Variants in CNTLN observed in about 807,000 individuals in gnomAD.
CNTLN encodes the protein centlein, centrosomal protein.
CNTLN carries 212 observed loss-of-function variants against 180.0 expected under a neutral mutation model. That is an observed-to-expected ratio of 1.18 (90% CI 1.05 to 1.32). The LOEUF (loss-of-function observed/expected upper bound fraction) is 1.32, where lower values mean the gene tolerates loss of function less well. CNTLN is among the 40% of genes most tolerant of loss of function. CNTLN has a pLI of 0.00. For missense variants in CNTLN, 2,095 were observed against 1,610.9 expected, an observed-to-expected ratio of 1.30 and a Z score of -5.14; for synonymous variants, 722 against 563.1, an observed-to-expected ratio of 1.28 and a Z score of -3.99.
At position 17,197,354 on chromosome 9, in the gene CNTLN, T is replaced by C. The variant is rs189745799; in HGVS notation, c.450-28849T>C. ...TTGACTGGAGTGAGATGATATCTCA[T>C]TGTCATTTTGATTTGCATTTCTCTG... On this transcript the variant is annotated intron_variant, in intron 2 of 25. Coordinates refer to ENST00000380647, the MANE Select transcript of CNTLN (RefSeq NM_017738.4). Among the ~76,000 whole-genome samples the C allele has an allele frequency of 4.6e-5, 7 of 152,308 alleles. No individual in the cohort carries two copies. The East Asian group carries it at 1.3e-3, about 29-fold the overall frequency.
In CNTLN at chr9:17,409,473, G is replaced by T; in HGVS notation, c.2796G>T (p.Lys932Asn). The change falls in exon 16 of 26, where the codon AAG becomes AAT. Residue 932 changes from lysine (K) to asparagine (N), a missense_variant and splice_region_variant. By Grantham distance (94) the Lys-to-Asn change is moderately conservative (BLOSUM62 0). Transcript: ENST00000380647. ...TYLNIDGKTP[K>N]DYFHDKNAKK... ...TAAATATAGATGGCAAGACCCCAAAGGTAAATGACATGATTTTGCTTAATT... is the reference window on the plus strand; with the variant it reads ...TAAATATAGATGGCAAGACCCCAAATGTAAATGACATGATTTTGCTTAATT... 1 of 1,579,018 alleles carries T rather than the reference G, an allele frequency of 6.3e-7. No individual in the cohort carries two copies. Among genetic ancestry groups the T allele is most frequent in the Non-Finnish European group, 8.6e-7 (1 of 1,167,472 alleles).
At chr9:17,265,518 C>G (rs1386772806) in intron 5 of CNTLN, among the ~76,000 whole-genome samples, 2 of 151,974 alleles carry the variant, frequency 1.3e-5, no homozygotes, top group East Asian at 3.9e-4. Flanking sequence ...TTTGTTGTGT[C>G]TCTGCCAGGC....
rs771737760 is a variant in CNTLN at position 17,416,182 on chromosome 9, CAAT to C, written c.3110_3112del (p.Ile1037del). 1 of 1,611,012 alleles carries C rather than the reference CAAT, an allele frequency of 6.2e-7. No homozygotes were observed. Among genetic ancestry groups the C allele is most frequent in the South Asian group, 1.1e-5 (1 of 90,622 alleles). ...CAACGATTTCAGACAAGCAGGCAGACAATAAAGGTAAAGAGAACTTTAAGATTG... is the reference window on the plus strand; with the variant it reads ...CAACGATTTCAGACAAGCAGGCAGACAAAGGTAAAGAGAACTTTAAGATTG... On this transcript the variant is annotated inframe_deletion, in exon 18 of 26. Coordinates refer to ENST00000380647, the MANE Select transcript of CNTLN (RefSeq NM_017738.4).
intron 4 of CNTLN, 64 bp from the exon 5 acceptor site, chr9:17,236,345 C>T: frequency 5.8e-6 from 8 of 1,369,614 alleles, no homozygotes; most frequent in Middle Eastern, 3.9e-4. Context: ...TTAGTGCTCA[C>T]CATTTTTTGG....
intron 2 of CNTLN, among the ~76,000 whole-genome samples, chr9:17,180,346 T>TTATTATATTATATTATATTA (rs57685282): frequency 1.4e-4 from 20 of 145,620 alleles, no homozygotes; most frequent in South Asian, 4.3e-4. Context: ...GTTGCTCTAA[T>TTATTATATTATATTATATTA]TATTATATTA....
chr9:17,265,246 A>T (rs1165242588), intron 5 of CNTLN, among the ~76,000 whole-genome samples: 1 of 151,606 alleles, frequency 6.6e-6, no homozygotes, highest in African/African-American at 2.4e-5. Flanking sequence ...AGTTTTTAGC[A>T]TGAAGCATTG....
chr9:17,226,376 T>A (rs1824466455), intron 3 of CNTLN, 89 bp downstream of exon 3: 2 of 664,018 alleles, frequency 3.0e-6, no homozygotes, highest in Non-Finnish European at 4.8e-6. Context: ...TGCAATAGTG[T>A]TTATTGAGAA....
chr9:17,211,281 C>A (rs1284091809), intron 2 of CNTLN, among the ~76,000 whole-genome samples: 1 of 152,134 alleles, frequency 6.6e-6, no homozygotes, highest in African/African-American at 2.4e-5. Context: ...TATGGCTAGC[C>A]AGTTTTCGCA....
intron 2 of CNTLN, among the ~76,000 whole-genome samples, chr9:17,180,899 C>T (rs975500989): frequency 1.3e-5 from 2 of 152,006 alleles, no homozygotes; most frequent in African/African-American, 2.4e-5. Flanking sequence ...TTGGTGGTTT[C>T]CAGCAAGAAA....
intron 10 of CNTLN, among the ~76,000 whole-genome samples, chr9:17,334,478 C>G (rs1416372748): frequency 6.6e-6 from 1 of 151,890 alleles, no homozygotes; most frequent in Non-Finnish European, 1.5e-5. Flanking sequence ...TATATAATTC[C>G]TTATAGTAAA....
At chr9:17,353,838 C>T (rs1210064379) in intron 12 of CNTLN, among the ~76,000 whole-genome samples, 1 of 152,156 alleles carries the variant, frequency 6.6e-6, no homozygotes, top group Non-Finnish European at 1.5e-5. Flanking sequence ...TTTGGTGGCA[C>T]TTGAGGAGCC....
At chr9:17,475,981 A>C (rs1359033822) in intron 23 of CNTLN, among the ~76,000 whole-genome samples, 1 of 151,926 alleles carries the variant, frequency 6.6e-6, no homozygotes, top group African/African-American at 2.4e-5. Context: ...TGTTTTTTAC[A>C]AATTGAAGAT....
intron 10 of CNTLN, among the ~76,000 whole-genome samples, chr9:17,334,121 A>G (rs1820825206): frequency 6.6e-6 from 1 of 152,010 alleles, no homozygotes. Flanking sequence ...GTGCAGTGGC[A>G]TGATCTCGGC....
intron 17 of CNTLN, 37 bp downstream of exon 17, chr9:17,415,918 C>A (rs770563074): frequency 6.9e-5 from 110 of 1,584,764 alleles, no homozygotes; most frequent in Non-Finnish European, 8.6e-5. Context: ...ATGTCTTTTA[C>A]AATTTAAATC....
intron 2 of CNTLN, among the ~76,000 whole-genome samples, chr9:17,216,162 C>G (rs1823739138): frequency 6.6e-6 from 1 of 152,150 alleles, no homozygotes; most frequent in South Asian, 2.1e-4. Context: ...GAGCTGTAGA[C>G]TGGAGCTGTT....
intron 2 of CNTLN, among the ~76,000 whole-genome samples, chr9:17,145,194 C>T (rs536568206): frequency 6.6e-6 from 1 of 152,162 alleles, no homozygotes; most frequent in African/African-American, 2.4e-5. Context: ...TCTACTGAAT[C>T]TCTAGGGGGT....
In CNTLN at chr9:17,394,209, C is replaced by G. The variant is rs867064652; in HGVS notation, c.2080-325C>G. ...AGACATTTGTGTATATTATTTTTCT[C>G]TGAAATATTTTTTTCCACAATGAAT... On this transcript the variant is annotated intron_variant, in intron 14 of 25. Transcript: ENST00000380647. 1.3e-4 allele frequency among the ~76,000 whole-genome samples: 20 copies of G among 152,092 alleles called. 1 individual carries two copies. The highest frequency in any genetic ancestry group is 6.2e-4 in the South Asian group (3 of 4,822).
the CNTLN span, among the ~76,000 whole-genome samples, chr9:17,509,606 G>A: frequency 6.6e-6 from 1 of 152,144 alleles, no homozygotes; most frequent in Non-Finnish European, 1.5e-5. Flanking sequence ...CAGATAGGAA[G>A]TAAAACTTTG....
At chr9:17,268,849 G>T (rs1428663094) in intron 5 of CNTLN, among the ~76,000 whole-genome samples, 1 of 151,818 alleles carries the variant, frequency 6.6e-6, no homozygotes, top group Non-Finnish European at 1.5e-5. Context: ...GCCAGGTGCG[G>T]GTTATAATCT....
Sources: allele counts gnomAD v4.1 joint callset (sites outside exome capture counted in the v4.1 genomes callset), GRCh38; gene constraint gnomAD v4.1.1; transcripts MANE v1.5; gene names NCBI Gene and HGNC (gene_info 2026-07-23, HGNC 2026-07-21).